Variants in PRMT3 observed in about 807,000 individuals in gnomAD.
PRMT3 encodes protein arginine N-methyltransferase 3.
A neutral mutation model predicts 71.9 loss-of-function variants in PRMT3; 62 were observed. That is an observed-to-expected ratio of 0.86 (90% confidence interval 0.70 to 1.07). PRMT3 has a LOEUF of 1.07. Among genes scored for constraint, PRMT3 ranks in the 50% least tolerant of loss-of-function variants. The pLI is 0.00. For missense variants in PRMT3, 663 were observed against 643.0 expected, an observed-to-expected ratio of 1.03 and a Z score of -0.34; for synonymous variants, 213 against 220.4, an observed-to-expected ratio of 0.97 and a Z score of 0.30.
intron 13 of PRMT3, among the ~76,000 whole-genome samples, chr11:20,483,018 C>CA (rs199879168): frequency 5.7e-4 from 85 of 149,892 alleles, no homozygotes; most frequent in Middle Eastern, 3.4e-3. Flanking sequence ...TTCAAAAGAG[C>CA]AAAAAAAAAC....
At chr11:20,468,132 GAATA>G (rs1407602678) in intron 13 of PRMT3, among the ~76,000 whole-genome samples, 1 of 152,100 alleles carries the variant, frequency 6.6e-6, no homozygotes, top group Non-Finnish European at 1.5e-5. Flanking sequence ...CCTAGTAAAG[GAATA>G]AATAAAGTAA....
At chr11:20,491,913 A>AT (rs980884483) in intron 13 of PRMT3, among the ~76,000 whole-genome samples, 1 of 152,244 alleles carries the variant, frequency 6.6e-6, no homozygotes, top group African/African-American at 2.4e-5. Flanking sequence ...AGAGTTAAAA[A>AT]TTATTAGTTC....
At chr11:20,463,347 G>C (rs897924575) in intron 12 of PRMT3, among the ~76,000 whole-genome samples, 2 of 152,164 alleles carry the variant, frequency 1.3e-5, no homozygotes, top group Non-Finnish European at 2.9e-5. Flanking sequence ...CGACTTCAGT[G>C]CTCTGGTACA....
intron 11 of PRMT3, among the ~76,000 whole-genome samples, chr11:20,456,090 T>A (rs1465366668): frequency 6.6e-6 from 1 of 152,156 alleles, no homozygotes; most frequent in East Asian, 1.9e-4. Context: ...ATAAGCAAAG[T>A]CACAAGAGAA....
intron 11 of PRMT3, among the ~76,000 whole-genome samples, chr11:20,459,409 C>T (rs1850334749): frequency 6.6e-6 from 1 of 152,088 alleles, no homozygotes; most frequent in Non-Finnish European, 1.5e-5. Context: ...CCCTCCATTT[C>T]TGCTCATTTA....
intron 3 of PRMT3, among the ~76,000 whole-genome samples, chr11:20,391,659 A>G (rs1251072413): frequency 6.6e-6 from 1 of 151,918 alleles, no homozygotes; most frequent in Non-Finnish European, 1.5e-5. Context: ...AAGTTTTCTC[A>G]TAACAAGAGT....
intron 10 of PRMT3, among the ~76,000 whole-genome samples, chr11:20,448,084 C>G (rs781711819): frequency 3.3e-5 from 5 of 151,798 alleles, no homozygotes; most frequent in African/African-American, 7.3e-5. Flanking sequence ...TTGAAGAGCC[C>G]GAGTAGGAGG....
At chr11:20,475,678 G>T (rs1850765109) in intron 13 of PRMT3, among the ~76,000 whole-genome samples, 1 of 139,600 alleles carries the variant, frequency 7.2e-6, no homozygotes, top group African/African-American at 2.8e-5. Context: ...TTTTGAGACA[G>T]AGTCTAGCTC....
intron 10 of PRMT3, among the ~76,000 whole-genome samples, chr11:20,434,581 T>C (rs1849723468): frequency 6.6e-6 from 1 of 152,202 alleles, no homozygotes; most frequent in South Asian, 2.1e-4. Context: ...TGCATATAGC[T>C]AGGCAGTTAT....
At chr11:20,501,436 A>G (rs565808789) in intron 15 of PRMT3, among the ~76,000 whole-genome samples, 45 of 152,194 alleles carry the variant, frequency 3.0e-4, no homozygotes, top group African/African-American at 9.6e-4. Context: ...AATTTTGCCA[A>G]CTCTGGTGTT....
chr11:20,424,644 C>G (rs1203835015), intron 9 of PRMT3, among the ~76,000 whole-genome samples: 1 of 151,998 alleles, frequency 6.6e-6, no homozygotes, highest in African/African-American at 2.4e-5. Flanking sequence ...TCACCAAAAG[C>G]ATGAACCATA....
At chr11:20,438,247 G>A (rs1051227184) in intron 10 of PRMT3, among the ~76,000 whole-genome samples, 3 of 152,158 alleles carry the variant, frequency 2.0e-5, no homozygotes, top group Admixed American at 2.0e-4. Context: ...TGACCCTGGG[G>A]AAGCAGGGAT....
At chr11:20,415,237 A>G (rs1264358382) in intron 9 of PRMT3, among the ~76,000 whole-genome samples, 1 of 152,004 alleles carries the variant, frequency 6.6e-6, no homozygotes, top group African/African-American at 2.4e-5. Context: ...AAGCCATAAA[A>G]CTCTGGTGAA....
rs1565196779 is a variant in PRMT3, at chr11:20,404,221, T to TGTTTTTG, written c.771+1237_771+1238insGTTTTTG. ...TGGAGACTTTTCATAGTTTTTTTTT[T>TGTTTTTG]TTTTTTTTTTTTTTTTTTTTTTTTT... On this transcript the variant is annotated intron_variant, in intron 8 of 15. Coordinates refer to ENST00000331079, the MANE Select transcript of PRMT3 (RefSeq NM_005788.4). Among the ~76,000 whole-genome samples the TGTTTTTG allele has an allele frequency of 2.5e-3, 20 of 7,898 alleles. 1 individual carries two copies. Among genetic ancestry groups the TGTTTTTG allele is most frequent in the African/African-American group, 4.4e-3 (20 of 4,506 alleles). The allele number at this position is 7,898 out of a possible 152,430, so 5.2% of individuals were successfully genotyped here.
At chr11:20,475,685 GCT>G (rs1850765446) in intron 13 of PRMT3, among the ~76,000 whole-genome samples, 1 of 133,136 alleles carries the variant, frequency 7.5e-6, no homozygotes, top group African/African-American at 3.0e-5. Flanking sequence ...ACAGAGTCTA[GCT>G]CTGTCTTCTG....
chr11:20,432,340 A>G (rs1444278276), intron 10 of PRMT3, among the ~76,000 whole-genome samples: 1 of 152,158 alleles, frequency 6.6e-6, no homozygotes, highest in Non-Finnish European at 1.5e-5. Flanking sequence ...GAGTAAAAGT[A>G]AACCCTTCAA....
chr11:20,402,825 T>A, intron 7 of PRMT3, 94 bp from the exon 8 acceptor site: 1 of 881,878 alleles, frequency 1.1e-6, no homozygotes, highest in Non-Finnish European at 1.8e-6. Flanking sequence ...CTATGGAAAC[T>A]AGCAATGTGT....
At chr11:20,401,825 A>G (rs2133311838) in intron 7 of PRMT3, among the ~76,000 whole-genome samples, 1 of 152,334 alleles carries the variant, frequency 6.6e-6, no homozygotes, top group East Asian at 1.9e-4. Context: ...CCTTGGTCAC[A>G]GGTTATGGGA....
intron 9 of PRMT3, among the ~76,000 whole-genome samples, chr11:20,411,372 A>G (rs1004931370): frequency 1.3e-5 from 2 of 152,126 alleles, no homozygotes; most frequent in Non-Finnish European, 2.9e-5. Context: ...GTAGTGAAGT[A>G]GGAAGTACAT....
Sources: gnomAD v4.1 joint callset for allele counts (sites outside exome capture counted in the v4.1 genomes callset) on GRCh38, gnomAD v4.1.1 for gene constraint, MANE v1.5 for transcripts, NCBI Gene and HGNC (gene_info 2026-07-23, HGNC 2026-07-21) for gene names.